Variants in NUMB observed in about 807,000 individuals in gnomAD.
The protein encoded by NUMB is NUMB endocytic adaptor protein, also known as protein numb homolog.
NUMB carries 29 observed loss-of-function variants against 59.7 expected under a neutral mutation model. The observed-to-expected ratio is 0.49, with a 90% CI of 0.36 to 0.66. The LOEUF (loss-of-function observed/expected upper bound fraction) is 0.66. Ranked by LOEUF, NUMB falls within the 30% of genes least tolerant of loss-of-function variation. NUMB has a pLI of 0.00. For synonymous variants in NUMB, 288 were observed against 288.2 expected (o/e 1.00, Z 0.01); for missense variants, 723 against 822.0 (o/e 0.88, Z 1.47).
intron 11 of NUMB, among the ~76,000 whole-genome samples, chr14:73,281,808 T>G (rs1332292357): frequency 6.6e-6 from 1 of 152,090 alleles, no homozygotes; most frequent in Non-Finnish European, 1.5e-5. Context: ...TTCTCAACAT[T>G]GGCACCACTG....
chr14:73,343,830 A>G (rs963270283), intron 4 of NUMB, among the ~76,000 whole-genome samples: 3 of 151,552 alleles, frequency 2.0e-5, no homozygotes, highest in Non-Finnish European at 4.4e-5. Context: ...ATGTAAAAAG[A>G]ATTTATAGGC....
At chr14:73,364,029 C>T (rs915505829) in intron 3 of NUMB, among the ~76,000 whole-genome samples, 12 of 152,114 alleles carry the variant, frequency 7.9e-5, no homozygotes, top group Admixed American at 6.5e-4. Context: ...TGGATTTCAG[C>T]AATTCAACAT....
intron 4 of NUMB, among the ~76,000 whole-genome samples, chr14:73,326,796 T>G (rs777222066): frequency 1.3e-5 from 2 of 152,198 alleles, no homozygotes; most frequent in Non-Finnish European, 2.9e-5. Context: ...TGCCAGAAAC[T>G]GTGCTGGATG....
rs138776406 is a variant in NUMB, at chr14:73,305,009, C to T, written c.235-7724G>A. ...CTTGAACTGCTGACCTCAGGTGATC[C>T]GCCCACCTCAGCCTCCCAAAATGCT... On this transcript the variant is annotated intron_variant, in intron 6 of 12. Transcript: ENST00000555238. Among the ~76,000 whole-genome samples the T allele has an allele frequency of 4.2e-4, 64 of 152,204 alleles. 1 individual carries two copies. Among genetic ancestry groups the T allele is most frequent in the African/African-American group, 1.5e-3 (62 of 41,540 alleles).
intron 4 of NUMB, among the ~76,000 whole-genome samples, chr14:73,353,072 G>GT (rs71112737): frequency 0.013 from 737 of 58,472 alleles, 155 homozygotes; most frequent in Middle Eastern, 0.093. Context: ...AGTTTTTCTT[G>GT]TTTTTTTTTT....
At chr14:73,326,271 C>T (rs1318612020) in intron 4 of NUMB, among the ~76,000 whole-genome samples, 1 of 152,146 alleles carries the variant, frequency 6.6e-6, no homozygotes, top group Non-Finnish European at 1.5e-5. Context: ...CCCTAGGTGA[C>T]ATACACACAG....
intron 6 of NUMB, among the ~76,000 whole-genome samples, chr14:73,302,239 G>A (rs1566734016): frequency 6.6e-6 from 1 of 152,018 alleles, no homozygotes; most frequent in Non-Finnish European, 1.5e-5. Flanking sequence ...ACGAATTCTT[G>A]TATTTGTTCA....
At chr14:73,416,979 A>G (rs1022328038) in intron 1 of NUMB, among the ~76,000 whole-genome samples, 6 of 151,750 alleles carry the variant, frequency 4.0e-5, no homozygotes, top group Non-Finnish European at 8.8e-5. Flanking sequence ...ACAGAAGAGC[A>G]GCAGAATGGC....
chr14:73,293,157 T>C (rs186215624), intron 7 of NUMB, among the ~76,000 whole-genome samples: 43 of 152,274 alleles, frequency 2.8e-4, no homozygotes, highest in Middle Eastern at 6.8e-3. Flanking sequence ...TTCAACAATA[T>C]ATGTAAATCA....
At chr14:73,350,133 T>C (rs2035429691) in intron 4 of NUMB, among the ~76,000 whole-genome samples, 1 of 148,270 alleles carries the variant, frequency 6.7e-6, no homozygotes, top group Non-Finnish European at 1.5e-5. Context: ...CCTATGTCAA[T>C]GATCATCATC....
At chr14:73,378,018 C>T (rs80169800) in intron 2 of NUMB, among the ~76,000 whole-genome samples, 22 of 141,330 alleles carry the variant, frequency 1.6e-4, no homozygotes, top group East Asian at 4.2e-4. Context: ...CACACACACA[C>T]ATACACACAC....
intron 1 of NUMB, among the ~76,000 whole-genome samples, chr14:73,426,690 T>C (rs1897597230): frequency 6.6e-6 from 1 of 151,950 alleles, no homozygotes; most frequent in African/African-American, 2.4e-5. Flanking sequence ...CCACTAAAAA[T>C]ACAAAAACTA....
chr14:73,428,285 T>G (rs1032572775), intron 1 of NUMB, among the ~76,000 whole-genome samples: 1 of 152,184 alleles, frequency 6.6e-6, no homozygotes, highest in Non-Finnish European at 1.5e-5. Flanking sequence ...CCTACCTACC[T>G]AGGCTTTGGG....
chr14:73,323,676 A>G (rs1252685101), intron 4 of NUMB, among the ~76,000 whole-genome samples: 1 of 152,162 alleles, frequency 6.6e-6, no homozygotes, highest in Non-Finnish European at 1.5e-5. Context: ...CAGTTTTTCA[A>G]AGACTGAAGA....
chr14:73,355,367 A>G (rs145569413), intron 4 of NUMB, among the ~76,000 whole-genome samples: 1,547 of 152,334 alleles, frequency 0.01, 18 homozygotes, highest in Non-Finnish European at 0.018. Context: ...TAGTATTCTT[A>G]TCAGAATATT....
chr14:73,398,411 AGAGAGTGTGTGT>A (rs1462365781), intron 2 of NUMB, among the ~76,000 whole-genome samples: 14 of 104,124 alleles, frequency 1.3e-4, no homozygotes, highest in African/African-American at 2.2e-4. Flanking sequence ...AGAGAGAGAG[AGAGAGTGTGTGT>A]GTGTGTGTGT....
At chr14:73,386,887 T>TTTTA (rs1895564308) in intron 2 of NUMB, among the ~76,000 whole-genome samples, 2 of 91,636 alleles carry the variant, frequency 2.2e-5, no homozygotes, top group African/African-American at 4.0e-5. Context: ...TTTTTTTTTT[T>TTTTA]TTTTTTTTTT....
In NUMB at chr14:73,377,964, CAT is replaced by C. The variant is rs564834153; in HGVS notation, c.-100-10985_-100-10984del. ...CTGGAGATAGATATATATACACACACATGCATACATATAGATATATATATACA... is the reference window on the plus strand; with the variant it reads ...CTGGAGATAGATATATATACACACACGCATACATATAGATATATATATACA... On this transcript the variant is annotated intron_variant, in intron 2 of 12. Coordinates refer to ENST00000555238, the MANE Select transcript of NUMB (RefSeq NM_001005743.2). Among the ~76,000 whole-genome samples, 481 of 150,672 alleles carry C rather than the reference CAT, an allele frequency of 3.2e-3. 2 individuals carry two copies. Among genetic ancestry groups the C allele is most frequent in the African/African-American group, 9.1e-3 (371 of 40,710 alleles).
At chr14:73,309,270 A>G (rs909746072) in intron 6 of NUMB, among the ~76,000 whole-genome samples, 1 of 152,234 alleles carries the variant, frequency 6.6e-6, no homozygotes, top group Non-Finnish European at 1.5e-5. Flanking sequence ...ACACTTGCAC[A>G]TGTATGTTTA....
Sources: allele counts gnomAD v4.1 joint callset (sites outside exome capture counted in the v4.1 genomes callset), GRCh38; gene constraint gnomAD v4.1.1; transcripts MANE v1.5; gene names NCBI Gene and HGNC (gene_info 2026-07-23, HGNC 2026-07-21).